SLC7A6: variants seen among roughly 807,000 people sequenced by gnomAD.
SLC7A6 encodes the protein Y+L amino acid transporter 2.
SLC7A6 carries 29 observed loss-of-function variants against 46.6 expected under a neutral mutation model. That is an observed-to-expected ratio of 0.62 (90% CI 0.46 to 0.85). The LOEUF is 0.85. Ranked by LOEUF, SLC7A6 falls within the 40% of genes least tolerant of loss-of-function variation. The pLI is 0.00. For missense variants in SLC7A6, 527 were observed against 647.6 expected (o/e 0.81, Z 2.02); for synonymous variants, 276 against 257.3 (o/e 1.07, Z -0.70).
chr16:68,281,811 CT>C (rs1419927260), intron 3 of SLC7A6, among the ~76,000 whole-genome samples: 1 of 152,206 alleles, frequency 6.6e-6, no homozygotes, highest in African/African-American at 2.4e-5. Flanking sequence ...GGGATCCTCC[CT>C]CTTGTGTAGG....
At chr16:68,287,304 T>C (rs1266252620) in intron 3 of SLC7A6, 1 of 1,288,086 alleles carries the variant, frequency 7.8e-7, no homozygotes, top group Non-Finnish European at 1.0e-6. Flanking sequence ...TGCAAAACAC[T>C]GTCTCTCTAA....
intron 3 of SLC7A6, among the ~76,000 whole-genome samples, chr16:68,283,416 C>CT (rs915003369): frequency 6.6e-6 from 1 of 152,200 alleles, no homozygotes; most frequent in African/African-American, 2.4e-5. Context: ...GACAAAGACA[C>CT]TGCCTCCCCC....
At chr16:68,287,543 C>T in intron 3 of SLC7A6, 2 of 1,438,172 alleles carry the variant, frequency 1.4e-6, no homozygotes, top group Non-Finnish European at 9.2e-7. Context: ...CCTTGAGCAC[C>T]AGTAGTGATG....
At chr16:68,287,530 T>C (rs2042961901) in intron 3 of SLC7A6, 1 of 1,430,096 alleles carries the variant, frequency 7.0e-7, no homozygotes, top group Non-Finnish European at 9.2e-7. Context: ...CATGCCTTCA[T>C]ATCCTTGAGC....
chr16:68,272,126 TAAAG>T (rs1414459066), intron 2 of SLC7A6, among the ~76,000 whole-genome samples: 1 of 152,124 alleles, frequency 6.6e-6, no homozygotes, highest in African/African-American at 2.4e-5. Context: ...TGAATGAAGA[TAAAG>T]AAGCCTGGCA....
At chr16:68,288,930 CTCCA>C (rs10560247) in intron 4 of SLC7A6, among the ~76,000 whole-genome samples, 111,872 of 142,622 alleles carry the variant, frequency 0.78, 44,635 homozygotes, top group African/African-American at 0.94. Context: ...TGCCACTGCC[CTCCA>C]TCCAGCCTAG....
At position 68,291,589 on chromosome 16, in the gene SLC7A6, G is replaced by C. The variant is rs1288436803; in HGVS notation, c.950G>C (p.Ser317Thr). ...GCTGACCAGACGTTTGGCATGTTCA[G>C]CTGGACCATCCCCATTGCTGTTGCC... ...TFADQTFGMF[S>T]WTIPIAVALS... Residue 317 changes from serine (S) to threonine (T), a missense_variant, in exon 7 of 11, where the codon AGC becomes ACC. Physicochemically the swap from Ser to Thr is moderately conservative, Grantham distance 58. Transcript: ENST00000219343. The C allele has an allele frequency of 1.2e-6, 2 of 1,614,052 alleles. No homozygotes were observed. The highest frequency in any genetic ancestry group is 1.7e-6 in the Non-Finnish European group (2 of 1,180,034).
chr16:68,300,969 G>A lies in SLC7A6; in HGVS notation c.*3641G>A. Reference sequence around the variant, plus strand: ...TGTGGTTTCAGCACAGAACCTGAATGCCAGGAAAAATTCCTGGGCCAAGAA... The same window carrying A: ...TGTGGTTTCAGCACAGAACCTGAATACCAGGAAAAATTCCTGGGCCAAGAA... On this transcript the variant is annotated 3_prime_UTR_variant, in exon 11 of 11. Coordinates refer to ENST00000219343, the MANE Select transcript of SLC7A6 (RefSeq NM_003983.6). The A allele has an allele frequency of 9.7e-7, 1 of 1,029,848 alleles. No homozygotes were observed. The highest frequency in any genetic ancestry group is 1.2e-6 in the Non-Finnish European group (1 of 859,132). 63.8% of individuals were successfully genotyped at this position (1,029,848 alleles called of 1,614,324 possible).
intron 3 of SLC7A6, among the ~76,000 whole-genome samples, chr16:68,286,262 G>C (rs2042930830): frequency 6.6e-6 from 1 of 152,136 alleles, no homozygotes; most frequent in African/African-American, 2.4e-5. Context: ...GTGCTAAGAA[G>C]CAGGAATGCC....
At chr16:68,276,191 C>A (rs1027199701) in intron 3 of SLC7A6, among the ~76,000 whole-genome samples, 1 of 152,198 alleles carries the variant, frequency 6.6e-6, no homozygotes, top group South Asian at 2.1e-4. Flanking sequence ...GCTCTGCCTG[C>A]GGCCACATTT....
intron 7 of SLC7A6, 173 bp from the exon 8 acceptor site, chr16:68,294,532 G>T (rs2043123494): frequency 3.4e-6 from 2 of 594,994 alleles, no homozygotes; most frequent in African/African-American, 3.7e-5. Flanking sequence ...AATCTGTAGG[G>T]AAGGGGGGAG....
rs765362833 is a variant in SLC7A6, at chr16:68,296,620, A to C, written c.1270-7A>C. 9 of 1,613,664 alleles carry C rather than the reference A, an allele frequency of 5.6e-6. No individual in the cohort carries two copies. Among genetic ancestry groups the C allele is most frequent in the East Asian group, 2.2e-5 (1 of 44,870 alleles). ...CGTTACTTAATCTCTCACCCCCTCT[A>C]TTTCAGCTGAGCGTGTTTTTCCCCA... On this transcript the variant is annotated splice_region_variant and splice_polypyrimidine_tract_variant and intron_variant, in intron 9 of 10. Coordinates refer to ENST00000219343, the MANE Select transcript of SLC7A6 (RefSeq NM_003983.6).
At chr16:68,291,762 G>GTGTGTGTGTGTGTGTGTGTGTGTGT in intron 7 of SLC7A6, 101 bp downstream of exon 7, 12 of 545,990 alleles carry the variant, frequency 2.2e-5, no homozygotes, top group East Asian at 3.2e-5. Context: ...GGGCATATAG[G>GTGTGTGTGTGTGTGTGTGTGTGTGT]GTGTGTGTGT....
intron 2 of SLC7A6, among the ~76,000 whole-genome samples, chr16:68,267,764 C>T (rs1230947065): frequency 1.3e-5 from 2 of 152,108 alleles, no homozygotes; most frequent in Non-Finnish European, 1.5e-5. Flanking sequence ...GGGGGCTGGT[C>T]ACTGGAAAGA....
chr16:68,280,113 C>A (rs2042802020), intron 3 of SLC7A6, among the ~76,000 whole-genome samples: 1 of 152,178 alleles, frequency 6.6e-6, no homozygotes, highest in Non-Finnish European at 1.5e-5. Flanking sequence ...GTAGAGGCGG[C>A]AGTGGGAACA....
At chr16:68,266,958 A>G (rs2042543940) in intron 2 of SLC7A6, among the ~76,000 whole-genome samples, 2 of 151,572 alleles carry the variant, frequency 1.3e-5, no homozygotes, top group Admixed American at 1.3e-4. Flanking sequence ...TTTTGGAGAC[A>G]GTGTCTCACT....
At chr16:68,266,399 T>A (rs769367806) in intron 1 of SLC7A6, among the ~76,000 whole-genome samples, 194 bp from the exon 2 acceptor site, 100 of 152,358 alleles carry the variant, frequency 6.6e-4, no homozygotes, top group Non-Finnish European at 1.3e-3. Context: ...ACCCACCCTG[T>A]GGGTGTCATG....
At chr16:68,292,335 G>A (rs2043074734) in intron 7 of SLC7A6, 1 of 152,184 alleles carries the variant, frequency 6.6e-6, no homozygotes, top group Non-Finnish European at 1.5e-5. Context: ...GGCAGACTCT[G>A]CTACTTGGGC....
In SLC7A6 at chr16:68,299,153, G is replaced by A. The variant is rs2043225556; in HGVS notation, c.*1825G>A. 6.6e-6 allele frequency: 1 copy of A among 152,630 alleles called. No homozygotes were observed. The highest frequency in any genetic ancestry group is 2.4e-5 in the African/African-American group (1 of 41,430). The allele number at this position is 152,630 out of a possible 1,614,324, so 9.5% of individuals were successfully genotyped here. ...TATGCAAAGGCTGACTTGCCTGAAC[G>A]CTAAGAACATGACTTCTGTCTGAGC... On this transcript the variant is annotated 3_prime_UTR_variant, in exon 11 of 11. Coordinates refer to ENST00000219343, the MANE Select transcript of SLC7A6 (RefSeq NM_003983.6).
Sources: gnomAD v4.1 joint callset for allele counts (sites outside exome capture counted in the v4.1 genomes callset) on GRCh38, gnomAD v4.1.1 for gene constraint, MANE v1.5 for transcripts, NCBI Gene and HGNC (gene_info 2026-07-23, HGNC 2026-07-21) for gene names.